Variants in CDHR1 observed in about 807,000 individuals in gnomAD.
CDHR1 encodes cadherin related family member 1.
In CDHR1, 61 loss-of-function variants were observed where a neutral mutation model predicts 72.1. That is an observed-to-expected ratio of 0.85 (90% confidence interval 0.69 to 1.05). The LOEUF is 1.05. CDHR1 is among the 50% of genes least tolerant of loss of function. The probability of loss-of-function intolerance (pLI) is 0.00; values close to 1 mark genes in which losing one functional copy is unlikely to be tolerated. For synonymous variants in CDHR1, 470 were observed against 448.1 expected (o/e 1.05, Z -0.62); for missense variants, 1,186 against 1,115.7 (o/e 1.06, Z -0.90).
chr10:84,217,661 A>G lies in CDHR1; in HGVS notation c.*3040A>G. On this transcript the variant is annotated 3_prime_UTR_variant, in exon 17 of 17. Transcript: ENST00000623527. Reference sequence around the variant, plus strand: ...TTGCCGTGACTGTGGCCCACATACTAGAACACCATGTCCTGAAAGAGAGGA... The same window carrying G: ...TTGCCGTGACTGTGGCCCACATACTGGAACACCATGTCCTGAAAGAGAGGA... The G allele has an allele frequency of 5.1e-6, 5 of 985,564 alleles. No homozygotes were observed. The highest frequency in any genetic ancestry group is 6.0e-6 in the Non-Finnish European group (5 of 830,018). 61.1% of individuals were successfully genotyped at this position (985,564 alleles called of 1,614,324 possible). A position where few individuals can be genotyped will look rare whatever the true frequency, so the allele number is the denominator to read the frequency against.
At chr10:84,219,244 A>G, downstream of CDHR1, 1 of 1,550,684 alleles carries the variant, frequency 6.4e-7, no homozygotes, top group Non-Finnish European at 8.7e-7. Flanking sequence ...TCTGTACTCT[A>G]GAGTTTTTCA....
chr10:84,213,061 C>T (rs1400863063), intron 15 of CDHR1, 30 bp from the exon 16 acceptor site: 1 of 1,614,066 alleles, frequency 6.2e-7, no homozygotes, highest in Admixed American at 1.7e-5. Context: ...TCCCCAAAGC[C>T]CAGCTCTGTC....
At chr10:84,197,983 C>G in intron 4 of CDHR1, 147 bp downstream of exon 4, 1 of 752,580 alleles carries the variant, frequency 1.3e-6, no homozygotes, top group Non-Finnish European at 2.3e-6. Context: ...AAAGTGCCCA[C>G]AGGAGAGGGC....
chr10:84,216,246 C>T lies in CDHR1; in HGVS notation c.*1625C>T. On this transcript the variant is annotated 3_prime_UTR_variant, in exon 17 of 17. Coordinates refer to ENST00000623527, the MANE Select transcript of CDHR1 (RefSeq NM_033100.4). ...AGAGATTGTATGCATTTGTGGCTTT[C>T]CTGATTTCTGAGTCTGTGTTTGGAG... is the stretch of plus-strand genomic sequence containing the variant. The T allele has an allele frequency of 8.1e-6, 8 of 985,522 alleles. No homozygotes were observed. The highest frequency in any genetic ancestry group is 9.6e-6 in the Non-Finnish European group (8 of 829,996). 61.0% of individuals were successfully genotyped at this position (985,522 alleles called of 1,614,324 possible).
At chr10:84,219,142 C>T, downstream of CDHR1, 6 of 1,541,862 alleles carry the variant, frequency 3.9e-6, no homozygotes, top group Non-Finnish European at 5.3e-6. Flanking sequence ...AGTAAGAAAA[C>T]CAAAATTTAA....
chr10:84,196,954 G>C (rs905498129), intron 3 of CDHR1, among the ~76,000 whole-genome samples: 1 of 152,142 alleles, frequency 6.6e-6, no homozygotes, highest in African/African-American at 2.4e-5. Context: ...TGAGGTTTCT[G>C]AAAGAAACCT....
downstream of CDHR1, chr10:84,219,167 A>G: frequency 2.6e-6 from 4 of 1,550,340 alleles, no homozygotes; most frequent in Non-Finnish European, 3.5e-6. Flanking sequence ...AAGAAACCAC[A>G]TTCCAGCCAG....
At position 84,206,689 on chromosome 10, in the gene CDHR1, TC is replaced by T. The variant is rs370944661; in HGVS notation, c.963+764del. 3.3e-3 allele frequency among the ~76,000 whole-genome samples: 504 copies of T among 152,252 alleles called. 2 individuals carry two copies. Among genetic ancestry groups the T allele is most frequent in the African/African-American group, 0.011 (476 of 41,544 alleles). On this transcript the variant is annotated intron_variant, in intron 10 of 16. Coordinates refer to ENST00000623527, the MANE Select transcript of CDHR1 (RefSeq NM_033100.4). ...TTTGGGCCAACCAAGATTTTCAGGA[TC>T]CACTCCCGGGCATAGGAATTCAGTG...
chr10:84,218,857 C>T (rs1842466455), downstream of CDHR1, among the ~76,000 whole-genome samples: 1 of 152,012 alleles, frequency 6.6e-6, no homozygotes, highest in Admixed American at 6.5e-5. Context: ...GAGTCACATT[C>T]AAAGAAAGCA....
chr10:84,194,618 C>A lies in CDHR1; in HGVS notation c.-143C>A. 7 of 527,086 alleles carry A rather than the reference C, an allele frequency of 1.3e-5. No homozygotes were observed. The highest frequency in any genetic ancestry group is 1.5e-5 in the Non-Finnish European group (5 of 325,856). The allele number at this position is 527,086 out of a possible 1,614,324, so 32.7% of individuals were successfully genotyped here. On this transcript the variant is annotated 5_prime_UTR_variant, in exon 1 of 17. Transcript: ENST00000623527. ...TAGCGCCCTCACGCCACCCGCCGCT[C>A]CCGCCCCGTGCCCCCTCCCGCCGCG...
Position 84,208,260 on chromosome 10 carries a change from G to A in CDHR1, c.1050G>A (p.Pro350=), listed in dbSNP as rs199721776. The change falls in exon 11 of 17, where the codon CCG becomes CCA. Residue 350 remains proline, a synonymous_variant. Coordinates refer to ENST00000623527, the MANE Select transcript of CDHR1 (RefSeq NM_033100.4). ...TIRIVDLNNH[P]PTFYGESGPQ... The stretch of plus-strand genomic sequence containing the variant: ...GGATTGTGGACCTCAACAACCACCC[G>A]CCAACATTCTATGGAGAGAGCGGAC... The A allele has an allele frequency of 2.5e-5, 41 of 1,613,986 alleles. No individual in the cohort carries two copies. Among genetic ancestry groups the A allele is most frequent in the East Asian group, 2.5e-4 (11 of 44,880 alleles).
At position 84,208,282 on chromosome 10, in the gene CDHR1, G is replaced by A. The variant is rs140077265; in HGVS notation, c.1072G>A (p.Gly358Arg). 1.6e-5 allele frequency: 26 copies of A among 1,613,968 alleles called. No individual in the cohort carries two copies. The highest frequency in any genetic ancestry group is 8.0e-5 in the African/African-American group (6 of 74,886). ...NHPPTFYGES[G>R]PQNRFELSMN... ...CCCGCCAACATTCTATGGAGAGAGCGGACCCCAAAACAGGTTTGAGCTGTC... is the reference window on the plus strand; with the variant it reads ...CCCGCCAACATTCTATGGAGAGAGCAGACCCCAAAACAGGTTTGAGCTGTC... The change falls in exon 11 of 17, where the codon GGA (glycine) becomes AGA (arginine). Residue 358 changes from glycine (G) to arginine (R), a missense_variant. Transcript: ENST00000623527.
chr10:84,214,157 G>C lies in CDHR1; in HGVS notation c.2116G>C (p.Ala706Pro). 6.2e-7 allele frequency: 1 copy of C among 1,614,138 alleles called. No individual in the cohort carries two copies. The highest frequency in any genetic ancestry group is 8.5e-7 in the Non-Finnish European group (1 of 1,180,028). ...CCCCATGAAGGCCGTGGGTGTGCTGGCCGGCACCATGGCCACCGTCGTGGC... is the reference window on the plus strand; with the variant it reads ...CCCCATGAAGGCCGTGGGTGTGCTGCCCGGCACCATGGCCACCGTCGTGGC... The part of the protein sequence containing the change: ...DNPMKAVGVL[A>P]GTMATVVAIT... Residue 706 changes from alanine to proline, a missense_variant, in exon 17 of 17, where the codon GCC becomes CCC. Physicochemically the swap from Ala to Pro is conservative, Grantham distance 27. Transcript: ENST00000623527.
chr10:84,213,387 G>T (rs1324192934), intron 16 of CDHR1, 39 bp downstream of exon 16: 1 of 1,613,672 alleles, frequency 6.2e-7, no homozygotes, highest in Admixed American at 1.7e-5. Flanking sequence ...GGGGTCAGCA[G>T]GCCAGCTCAG....
chr10:84,211,132 C>A lies in CDHR1; in HGVS notation c.1452C>A (p.Asn484Lys), dbSNP rs779177513. 3 of 1,614,234 alleles carry A rather than the reference C, an allele frequency of 1.9e-6. No individual in the cohort carries two copies. Among genetic ancestry groups the A allele is most frequent in the Non-Finnish European group, 2.5e-6 (3 of 1,180,038 alleles). Residue 484 changes from asparagine to lysine, a missense_variant, in exon 13 of 17, where the codon AAC becomes AAA. Transcript: ENST00000623527. ...SLYYVARIPE[N>K]APGGSSVVAV... ...ACTACGTTGCCAGGATTCCTGAGAA[C>A]GCCCCAGGGGGCTCCAGCGTGGTGG...
At chr10:84,212,716 T>C (rs540507630) in intron 15 of CDHR1, among the ~76,000 whole-genome samples, 12 of 152,350 alleles carry the variant, frequency 7.9e-5, no homozygotes, top group Admixed American at 7.8e-4. Context: ...ATTTTGCCAA[T>C]GTGGCAAAAA....
At chr10:84,205,311 G>A (rs1419862077) in intron 9 of CDHR1, among the ~76,000 whole-genome samples, 1 of 151,970 alleles carries the variant, frequency 6.6e-6, no homozygotes, top group East Asian at 1.9e-4. Flanking sequence ...CCTTTCCCCA[G>A]CCTCACAGGA....
intron 2 of CDHR1, among the ~76,000 whole-genome samples, chr10:84,195,917 T>C (rs887061434): frequency 6.6e-6 from 1 of 152,150 alleles, no homozygotes; most frequent in African/African-American, 2.4e-5. Context: ...TAAAACGGCC[T>C]AAGAACATCC....
intron 12 of CDHR1, among the ~76,000 whole-genome samples, chr10:84,210,443 T>C (rs1161848832): frequency 6.6e-6 from 1 of 152,064 alleles, no homozygotes; most frequent in Non-Finnish European, 1.5e-5. Context: ...TTTTTGTATT[T>C]TTAGTAGAAA....
Sources: allele counts gnomAD v4.1 joint callset (sites outside exome capture counted in the v4.1 genomes callset), GRCh38; gene constraint gnomAD v4.1.1; transcripts MANE v1.5; gene names NCBI Gene and HGNC (gene_info 2026-07-23, HGNC 2026-07-21).